Variants in SLC60A1 observed in about 807,000 individuals in gnomAD.
The protein encoded by SLC60A1 is major facilitator superfamily domain containing 4.
the SLC60A1 span, among the ~76,000 whole-genome samples, chr1:205,583,014 C>T: frequency 3.3e-5 from 5 of 152,318 alleles, no homozygotes. Context: ...GCGCTCTCAC[C>T]AGCCTCTGGG....
At chr1:205,599,625 C>T in the SLC60A1 span, among the ~76,000 whole-genome samples, 6 of 152,226 alleles carry the variant, frequency 3.9e-5, no homozygotes, top group African/African-American at 1.4e-4. Flanking sequence ...TGGAACTCAG[C>T]CCAACGGCCT....
chr1:205,573,896 C>T, the SLC60A1 span, among the ~76,000 whole-genome samples: 2 of 151,838 alleles, frequency 1.3e-5, no homozygotes, highest in African/African-American at 4.8e-5. Flanking sequence ...CAGGTTTCAC[C>T]GTGTTGGCCA....
the SLC60A1 span, among the ~76,000 whole-genome samples, chr1:205,577,952 A>C: frequency 6.6e-6 from 1 of 152,142 alleles, no homozygotes; most frequent in Non-Finnish European, 1.5e-5. This position sits in a 1 kb window ranked among gnomAD's most constrained non-coding sequence, Gnocchi z 5.2. Context: ...TTGTCAGCAG[A>C]CCGTAGTACT....
At chr1:205,591,991 G>A in the SLC60A1 span, 11 of 1,080,086 alleles carry the variant, frequency 1.0e-5, no homozygotes, top group Non-Finnish European at 1.3e-5. Flanking sequence ...GTTCCCGCCT[G>A]GTCCACGGGG....
the SLC60A1 span, chr1:205,602,845 T>TC: frequency 1.3e-5 from 2 of 152,252 alleles, no homozygotes; most frequent in African/African-American, 4.8e-5. Context: ...TGATTGTGAC[T>TC]AATTTGTTAA....
chr1:205,576,248 T>A, the SLC60A1 span, among the ~76,000 whole-genome samples: 1 of 152,146 alleles, frequency 6.6e-6, no homozygotes, highest in South Asian at 2.1e-4. Context: ...CTGTACCCTG[T>A]CAGCTCAGTG....
At chr1:205,591,592 T>C in the SLC60A1 span, among the ~76,000 whole-genome samples, 1 of 151,960 alleles carries the variant, frequency 6.6e-6, no homozygotes, top group African/African-American at 2.4e-5. Context: ...CCAAGCTGAC[T>C]GCCACAGCCA....
chr1:205,577,888 G>A, the SLC60A1 span, among the ~76,000 whole-genome samples: 6 of 152,306 alleles, frequency 3.9e-5, no homozygotes, highest in East Asian at 1.9e-4. This position sits in a 1 kb window ranked among gnomAD's most constrained non-coding sequence, Gnocchi z 5.2. Flanking sequence ...TGGGCACAAC[G>A]ACAAAGCCTG....
chr1:205,576,912 CA>C, the SLC60A1 span, among the ~76,000 whole-genome samples: 4 of 152,124 alleles, frequency 2.6e-5, no homozygotes, highest in Non-Finnish European at 5.9e-5. Context: ...AATCACAGTC[CA>C]GGGAGATGCA....
the SLC60A1 span, among the ~76,000 whole-genome samples, chr1:205,586,963 G>A: frequency 8.5e-5 from 13 of 152,112 alleles, no homozygotes; most frequent in African/African-American, 3.1e-4. Flanking sequence ...CTCCCAAAGT[G>A]CTGGGATTAC....
At chr1:205,599,331 GATCT>G in the SLC60A1 span, 1 of 1,543,436 alleles carries the variant, frequency 6.5e-7, no homozygotes, top group Non-Finnish European at 8.8e-7. Flanking sequence ...AGATGCTATG[GATCT>G]TAACGTGCCA....
At chr1:205,580,008 G>GC in the SLC60A1 span, 1 of 1,535,140 alleles carries the variant, frequency 6.5e-7, no homozygotes, top group Non-Finnish European at 8.8e-7. The surrounding 1 kb of genome is among the most constrained non-coding windows in gnomAD (Gnocchi z 5.0). Flanking sequence ...AGCTCCCTAG[G>GC]CCCCCTCAGT....
chr1:205,584,990 C>T, the SLC60A1 span: 20 of 1,613,010 alleles, frequency 1.2e-5, no homozygotes, highest in Admixed American at 3.3e-5. Context: ...GATGGGTTGA[C>T]GGTGAGCCTG....
At chr1:205,601,368 T>C in the SLC60A1 span, 1 of 152,138 alleles carries the variant, frequency 6.6e-6, no homozygotes, top group Non-Finnish European at 1.5e-5. Flanking sequence ...AGTATTACCA[T>C]GGACACTGGC....
chr1:205,598,391 T>G, the SLC60A1 span: 1 of 152,856 alleles, frequency 6.5e-6, no homozygotes, highest in East Asian at 1.9e-4. Context: ...AATACTATAA[T>G]GTAGATATTA....
At chr1:205,591,603 C>T in the SLC60A1 span, among the ~76,000 whole-genome samples, 1 of 152,144 alleles carries the variant, frequency 6.6e-6, no homozygotes, top group African/African-American at 2.4e-5. Context: ...GCCACAGCCA[C>T]TGACCCTCTC....
the SLC60A1 span, among the ~76,000 whole-genome samples, chr1:205,572,610 C>T: frequency 6.6e-6 from 1 of 152,166 alleles, no homozygotes; most frequent in African/African-American, 2.4e-5. Context: ...TGCTGGCCCC[C>T]TCCAGTCCCT....
chr1:205,590,798 T>C, the SLC60A1 span, among the ~76,000 whole-genome samples: 3 of 152,236 alleles, frequency 2.0e-5, no homozygotes, highest in Non-Finnish European at 2.9e-5. Flanking sequence ...TAGGCTGCTA[T>C]AGAAGATCCT....
the SLC60A1 span, chr1:205,579,846 C>A: frequency 3.1e-6 from 5 of 1,614,186 alleles, no homozygotes; most frequent in Non-Finnish European, 4.2e-6. Context: ...AAGGTGCTGG[C>A]CTCAGTCATG....
Sources: gnomAD v4.1 joint callset for allele counts (sites outside exome capture counted in the v4.1 genomes callset) on GRCh38, gnomAD v4.1.1 for gene constraint, Gnocchi (gnomAD v3.1) non-coding constraint, MANE v1.5 for transcripts, NCBI Gene and HGNC (gene_info 2026-07-23, HGNC 2026-07-21) for gene names.